NME7: variants seen among roughly 807,000 people sequenced by gnomAD.
The protein encoded by NME7 is nucleoside diphosphate kinase 7.
In NME7, 41 loss-of-function variants were observed where a neutral mutation model predicts 49.1. The ratio of observed to expected loss-of-function variants is 0.83; its 90% CI spans 0.65 to 1.08. The LOEUF is 1.08. Among genes scored for constraint, NME7 ranks in the 50% least tolerant of loss-of-function variants. NME7 has a pLI of 0.00. For missense variants in NME7, 423 were observed against 463.4 expected (o/e 0.91, Z 0.80); for synonymous variants, 139 against 150.6 (o/e 0.92, Z 0.56).
In NME7 at chr1:169,360,725, G is replaced by A. The variant is rs1200237734; in HGVS notation, c.3+6983C>T. ...CAGCTTAAAAGTCACATCCTCATGA[G>A]GACCGTCCCTGATTGTCCTACTCAA... On this transcript the variant is annotated intron_variant, in intron 1 of 11. Transcript: ENST00000367811. Among the ~76,000 whole-genome samples the A allele has an allele frequency of 7.2e-5, 11 of 151,922 alleles. No homozygotes were observed. In the East Asian group the frequency reaches 2.1e-3, roughly 29 times the overall value.
intron 4 of NME7, chr1:169,303,478 T>A (rs1271925412): frequency 5.9e-6 from 1 of 170,354 alleles, no homozygotes; most frequent in Non-Finnish European, 1.2e-5. Context: ...TTTTTTTTTT[T>A]AGATTGAGTT....
chr1:169,325,120 G>C (rs936852665), intron 1 of NME7, among the ~76,000 whole-genome samples: 7 of 152,084 alleles, frequency 4.6e-5, no homozygotes, highest in African/African-American at 1.7e-4. Context: ...AAAATGATGA[G>C]GGAGCCAAGG....
chr1:169,158,382 T>A (rs1490367399), intron 11 of NME7, among the ~76,000 whole-genome samples: 1 of 152,240 alleles, frequency 6.6e-6, no homozygotes, highest in Non-Finnish European at 1.5e-5. Flanking sequence ...TTTTATTTTT[T>A]AATTTTTGCA....
chr1:169,321,798 A>C (rs1174050745), intron 3 of NME7, among the ~76,000 whole-genome samples: 1 of 152,204 alleles, frequency 6.6e-6, no homozygotes, highest in African/African-American at 2.4e-5. Context: ...TCAGCTAGTC[A>C]TTTGAGTAGT....
chr1:169,162,957 G>C (rs1240080999), intron 11 of NME7, among the ~76,000 whole-genome samples: 1 of 152,136 alleles, frequency 6.6e-6, no homozygotes, highest in Non-Finnish European at 1.5e-5. Flanking sequence ...CAACATTGAG[G>C]TTCTCAATTT....
chr1:169,320,828 A>C (rs1651827733), intron 3 of NME7, among the ~76,000 whole-genome samples: 1 of 152,202 alleles, frequency 6.6e-6, no homozygotes, highest in South Asian at 2.1e-4. Flanking sequence ...ATTAAAATAG[A>C]ATTCTTCTGT....
intron 3 of NME7, among the ~76,000 whole-genome samples, chr1:169,313,149 A>C (rs538877623): frequency 6.6e-6 from 1 of 151,812 alleles, no homozygotes; most frequent in Non-Finnish European, 1.5e-5. Flanking sequence ...TTTTTAAAAA[A>C]TCTTTTAAAA....
chr1:169,239,145 G>A (rs959583242), intron 7 of NME7, among the ~76,000 whole-genome samples: 1 of 151,880 alleles, frequency 6.6e-6, no homozygotes, highest in African/African-American at 2.4e-5. Context: ...ATTTTAGGAA[G>A]GTCACTAATG....
chr1:169,220,636 C>T (rs1399785166), intron 10 of NME7, among the ~76,000 whole-genome samples: 1 of 152,156 alleles, frequency 6.6e-6, no homozygotes, highest in East Asian at 1.9e-4. Context: ...ATGCAAATCA[C>T]TTCAAAGAAA....
intron 7 of NME7, among the ~76,000 whole-genome samples, chr1:169,258,829 T>G (rs1649068933): frequency 7.5e-6 from 1 of 133,398 alleles, no homozygotes; most frequent in South Asian, 2.3e-4. Context: ...GTGTGGTCCA[T>G]GCAAAAATAT....
At chr1:169,323,021 C>G in intron 3 of NME7, 96 bp downstream of exon 3, 1 of 953,266 alleles carries the variant, frequency 1.0e-6, no homozygotes, top group Non-Finnish European at 1.4e-6. Context: ...CAGGTCCTAT[C>G]CATCCTCATA....
At chr1:169,340,247 G>A (rs771464569) in intron 1 of NME7, among the ~76,000 whole-genome samples, 23 of 152,094 alleles carry the variant, frequency 1.5e-4, no homozygotes, top group Admixed American at 3.3e-4. Flanking sequence ...TTGTGATAGC[G>A]GGTTCTCACG....
chr1:169,196,747 G>A (rs1051594884), intron 10 of NME7, among the ~76,000 whole-genome samples: 2 of 152,244 alleles, frequency 1.3e-5, no homozygotes, highest in Middle Eastern at 3.4e-3. Context: ...CTCAGCTAGT[G>A]AGTGCATCCT....
chr1:169,244,600 C>A (rs1648232562), intron 7 of NME7, among the ~76,000 whole-genome samples: 1 of 139,560 alleles, frequency 7.2e-6, no homozygotes, highest in African/African-American at 2.7e-5. Context: ...TGCACCACTG[C>A]ACTCCAGCCT....
chr1:169,349,367 C>T (rs1442206677), intron 1 of NME7, among the ~76,000 whole-genome samples: 1 of 152,050 alleles, frequency 6.6e-6, no homozygotes, highest in African/African-American at 2.4e-5. Context: ...GGGGGTTATC[C>T]TTTGCCCAGT....
intron 10 of NME7, among the ~76,000 whole-genome samples, chr1:169,176,501 T>TA (rs1385804247): frequency 6.6e-6 from 1 of 152,154 alleles, no homozygotes; most frequent in African/African-American, 2.4e-5. Flanking sequence ...AGCTGTAATG[T>TA]AAATTTATAG....
chr1:169,139,474 C>A (rs1658528965), intron 11 of NME7, among the ~76,000 whole-genome samples: 2 of 152,192 alleles, frequency 1.3e-5, no homozygotes, highest in Non-Finnish European at 2.9e-5. Flanking sequence ...GAATTTGACT[C>A]CTAGCCCTGC....
chr1:169,153,578 C>A (rs1210066226), intron 11 of NME7, among the ~76,000 whole-genome samples: 1 of 152,224 alleles, frequency 6.6e-6, no homozygotes, highest in Non-Finnish European at 1.5e-5. Flanking sequence ...ATTGAACTCT[C>A]ATACTTACTG....
rs527538846 is a variant in NME7, at chr1:169,354,971, A to AT, written c.3+12736_3+12737insA. On this transcript the variant is annotated intron_variant, in intron 1 of 11. Transcript: ENST00000367811. ...TATTATATATGTTTATATATAATAT[A>AT]ATTATATATGTTTATATATAATATA... Among the ~76,000 whole-genome samples, 37 of 27,958 alleles carry AT rather than the reference A, an allele frequency of 1.3e-3. 1 individual carries two copies. The highest frequency in any genetic ancestry group is 2.4e-3 in the African/African-American group (29 of 12,024). The allele number at this position is 27,958 out of a possible 152,430, so 18.3% of individuals were successfully genotyped here.
Sources: gnomAD v4.1 joint callset for allele counts (sites outside exome capture counted in the v4.1 genomes callset) on GRCh38, gnomAD v4.1.1 for gene constraint, MANE v1.5 for transcripts, NCBI Gene and HGNC (gene_info 2026-07-23, HGNC 2026-07-21) for gene names.